OR4N4C: variants seen among roughly 807,000 people sequenced by gnomAD.
OR4N4C encodes olfactory receptor family 4 subfamily N member 4C.
Under a neutral mutation model 7.0 loss-of-function variants are expected in OR4N4C, and 1 was observed. That is an observed-to-expected ratio of 0.14 (90% CI 0.05 to 0.68). OR4N4C has a LOEUF of 0.68. OR4N4C is among the 30% of genes least tolerant of loss of function. OR4N4C has a pLI of 0.83. For synonymous variants in OR4N4C, 8 were observed against 72.8 expected, an observed-to-expected ratio of 0.11 and a Z score of 4.53; for missense variants, 24 against 202.9, an observed-to-expected ratio of 0.12 and a Z score of 5.36.
In OR4N4C at chr15:21,652,766, A is replaced by G; in HGVS notation, c.832A>G (p.Ile278Val). The G allele has an allele frequency of 4.2e-6, 2 of 475,634 alleles. 1 individual carries two copies. Among genetic ancestry groups the G allele is most frequent in the South Asian group, 4.3e-5 (2 of 46,230 alleles). 29.5% of individuals were successfully genotyped at this position (475,634 alleles called of 1,614,324 possible). A position where few individuals can be genotyped will look rare whatever the true frequency, so the allele number is the denominator to read the frequency against. The stretch of plus-strand genomic sequence containing the variant: ...GATGGTTTCTCTCTTTCACACAGTG[A>G]TCTTTCCATTGATGAATCCTATGAT... The change falls in exon 1 of 1, where the codon ATC (isoleucine) becomes GTC (valine). Residue 278 changes from isoleucine (I) to valine (V), a missense_variant. Physicochemically the swap from Ile to Val is conservative, Grantham distance 29. This residue lies in a region of OR4N4C where 22 missense variants were observed against 69.3 expected (regional missense o/e 0.32). Coordinates refer to ENST00000623441, the Ensembl canonical transcript of OR4N4C.
chr15:21,652,757 C>T (rs1595395251), exon 1 of OR4N4C: 1 of 474,814 alleles, frequency 2.1e-6, no homozygotes, highest in East Asian at 3.8e-5. Context: ...TTCTCTCTTT[C>T]ACACAGTGAT....
At position 21,652,919 on chromosome 15, in the gene OR4N4C, C is replaced by A. The variant is rs1455208921; in HGVS notation, c.*34C>A. ...AATTCTGGCTGGAATTCATATCATTCATTTAACAAGTCCTGTTTTTCACTG... is the reference window on the plus strand; with the variant it reads ...AATTCTGGCTGGAATTCATATCATTAATTTAACAAGTCCTGTTTTTCACTG... On this transcript the variant is annotated 3_prime_UTR_variant, in exon 1 of 1. Transcript: ENST00000623441. The A allele has an allele frequency of 1.3e-5, 7 of 553,722 alleles. 2 individuals carry two copies. In the African/African-American group the frequency reaches 2.0e-4, roughly 16 times the overall value. The allele number at this position is 553,722 out of a possible 1,614,324, so 34.3% of individuals were successfully genotyped here.
In OR4N4C at chr15:21,652,629, G is replaced by A; in HGVS notation, c.695G>A (p.Gly232Glu). ...CATGTTCGTAGGGCAGCTTCTGAAGGGAAGAACAAGGCCATGTCCACATGC... is the reference window on the plus strand; with the variant it reads ...CATGTTCGTAGGGCAGCTTCTGAAGAGAAGAACAAGGCCATGTCCACATGC... The change falls in exon 1 of 1, where the codon GGG becomes GAG. Residue 232 changes from glycine to glutamate, a missense_variant. Physicochemically the swap from Gly to Glu is moderately conservative, Grantham distance 98 (BLOSUM62 -2). This residue lies in a region of OR4N4C where 22 missense variants were observed against 69.3 expected (regional missense o/e 0.32). Coordinates refer to ENST00000623441, the Ensembl canonical transcript of OR4N4C. The A allele has an allele frequency of 1.7e-6, 2 of 1,159,876 alleles. 1 individual carries two copies. Among genetic ancestry groups the A allele is most frequent in the Non-Finnish European group, 2.4e-6 (2 of 845,934 alleles). The allele number at this position is 1,159,876 out of a possible 1,614,324, so 71.8% of individuals were successfully genotyped here.
At chr15:21,652,369 G>A in exon 1 of OR4N4C, 2 of 802,790 alleles carry the variant, frequency 2.5e-6, no homozygotes, top group Middle Eastern at 2.8e-4. Context: ...ATGCAATGAT[G>A]TTGGCTCTGT....
chr15:21,652,958 G>T, exon 1 of OR4N4C: 3 of 528,610 alleles, frequency 5.7e-6, no homozygotes, highest in Non-Finnish European at 6.2e-6. Context: ...CCTCCCATTT[G>T]CCAGGTACCA....
chr15:21,652,784 C>A (rs1888945675), exon 1 of OR4N4C: 1 of 448,086 alleles, frequency 2.2e-6, no homozygotes, highest in Admixed American at 3.1e-5. Context: ...ATTGATGAAT[C>A]CTATGATTTA....
At chr15:21,652,852 A>G (rs1888946785) in exon 1 of OR4N4C, 1 of 469,052 alleles carries the variant, frequency 2.1e-6, no homozygotes, top group African/African-American at 4.3e-5. Flanking sequence ...GTCGACATGT[A>G]GTCTGTCAAG....
chr15:21,652,955 T>C, exon 1 of OR4N4C: 2 of 542,496 alleles, frequency 3.7e-6, no homozygotes, highest in Middle Eastern at 2.8e-4. Context: ...GTACCTCCCA[T>C]TTGCCAGGTA....
At chr15:21,652,953 C>T (rs1888948517) in exon 1 of OR4N4C, 1 of 553,698 alleles carries the variant, frequency 1.8e-6, no homozygotes, top group Admixed American at 3.4e-5. Context: ...TGGTACCTCC[C>T]ATTTGCCAGG....
At chr15:21,652,954 A>G in exon 1 of OR4N4C, 1 of 546,576 alleles carries the variant, frequency 1.8e-6, no homozygotes, top group South Asian at 2.3e-5. Flanking sequence ...GGTACCTCCC[A>G]TTTGCCAGGT....
chr15:21,652,564 C>A lies in OR4N4C; in HGVS notation c.630C>A (p.Cys210Ter). Residue 210 changes from cysteine to a stop codon, truncating the protein, a stop_gained, in exon 1 of 1, where the codon TGC (cysteine) becomes TGA (stop). Transcript: ENST00000623441. LOFTEE classifies it high-confidence loss of function. ...ACAGTGGCCTGATGACACTCCTGTG[C>A]TTTCTGGGGCTTCTGGCTTCCTATG... 1.4e-6 allele frequency: 1 copy of A among 695,810 alleles called. No homozygotes were observed. Among genetic ancestry groups the A allele is most frequent in the South Asian group, 1.9e-5 (1 of 51,500 alleles). 43.1% of individuals were successfully genotyped at this position (695,810 alleles called of 1,614,324 possible).
chr15:21,652,853 G>A, exon 1 of OR4N4C: 1 of 469,692 alleles, frequency 2.1e-6, no homozygotes, highest in Middle Eastern at 3.0e-4. Context: ...TCGACATGTA[G>A]TCTGTCAAGT....
exon 1 of OR4N4C, chr15:21,652,931 C>G (rs1159079896): frequency 5.2e-6 from 3 of 577,400 alleles, no homozygotes; most frequent in Non-Finnish European, 8.3e-6. Flanking sequence ...TTTAACAAGT[C>G]CTGTTTTTCA....
exon 1 of OR4N4C, chr15:21,652,543 T>C: frequency 1.5e-6 from 1 of 654,198 alleles, no homozygotes; most frequent in Non-Finnish European, 2.4e-6. Context: ...TCTTCAACAG[T>C]GGCCTGATGA....
chr15:21,652,887 A>G, exon 1 of OR4N4C: 4 of 475,348 alleles, frequency 8.4e-6, no homozygotes, highest in East Asian at 3.5e-5. Context: ...AGAAACTGAG[A>G]AGGAGGAATT....
At chr15:21,652,935 T>C in exon 1 of OR4N4C, 1 of 581,440 alleles carries the variant, frequency 1.7e-6, no homozygotes, top group Non-Finnish European at 2.7e-6. Context: ...ACAAGTCCTG[T>C]TTTTCACTGG....
At chr15:21,652,907 A>T (rs1406168302) in exon 1 of OR4N4C, 1 of 518,622 alleles carries the variant, frequency 1.9e-6, no homozygotes, top group Non-Finnish European at 3.2e-6. Context: ...TCTGGCTGGA[A>T]TTCATATCAT....
chr15:21,652,842 G>A (rs1888946529), exon 1 of OR4N4C: 1 of 469,210 alleles, frequency 2.1e-6, no homozygotes, highest in South Asian at 2.6e-5. Flanking sequence ...AGGTTATTGA[G>A]TCGACATGTA....
chr15:21,652,917 T>C (rs1888947837), exon 1 of OR4N4C: 3 of 548,606 alleles, frequency 5.5e-6, no homozygotes, highest in South Asian at 2.3e-5. Flanking sequence ...ATTCATATCA[T>C]TCATTTAACA....
Sources: allele counts gnomAD v4.1 joint callset, GRCh38; gene constraint gnomAD v4.1.1; regional missense constraint gnomAD v4.1.1; transcripts MANE v1.5; gene names NCBI Gene and HGNC (gene_info 2026-07-23, HGNC 2026-07-21).